COX18: variants seen among roughly 807,000 people sequenced by gnomAD.
The protein encoded by COX18 is cytochrome c oxidase assembly factor COX18, also known as cytochrome c oxidase assembly protein COX18, mitochondrial.
In COX18, 45 loss-of-function variants were observed where a neutral mutation model predicts 38.0. The observed-to-expected ratio is 1.18, with a 90% CI of 0.93 to 1.52. The LOEUF is 1.52. Ranked by LOEUF, COX18 falls within the 40% of genes most tolerant of loss-of-function variation. COX18 has a pLI of 0.00. For synonymous variants in COX18, 177 were observed against 169.8 expected (o/e 1.04, Z -0.33); for missense variants, 462 against 423.8 (o/e 1.09, Z -0.79).
intron 2 of COX18, among the ~76,000 whole-genome samples, chr4:73,066,533 C>CA (rs976927366): frequency 6.6e-6 from 1 of 151,854 alleles, no homozygotes; most frequent in African/African-American, 2.4e-5. Context: ...TTCAAAAAAA[C>CA]AAAAAAGAAA....
At chr4:73,065,196 T>TATTAAA in intron 3 of COX18, 54 bp downstream of exon 3, 1 of 1,183,500 alleles carries the variant, frequency 8.4e-7, no homozygotes, top group Non-Finnish European at 1.2e-6. Context: ...TTTTTTTTTT[T>TATTAAA]AGTACAAAGA....
rs1217052560 is a variant in COX18 at position 73,056,817 on chromosome 4, C to T, written c.*1297G>A. On this transcript the variant is annotated 3_prime_UTR_variant, in exon 6 of 6. Transcript: ENST00000507544. ...AAGAGGTCTAAAATCCTCTCCACCTCCAAAATAATAAGAAACATCTCAGCT... is the reference window on the plus strand; with the variant it reads ...AAGAGGTCTAAAATCCTCTCCACCTTCAAAATAATAAGAAACATCTCAGCT... 1 of 152,168 alleles carries T rather than the reference C, an allele frequency of 6.6e-6. No homozygotes were observed. The highest frequency in any genetic ancestry group is 1.5e-5 in the Non-Finnish European group (1 of 68,042). 9.4% of individuals were successfully genotyped at this position (152,168 alleles called of 1,614,324 possible).
chr4:73,065,605 C>T (rs1474801560), intron 2 of COX18, among the ~76,000 whole-genome samples, 192 bp from the exon 3 acceptor site: 3 of 152,084 alleles, frequency 2.0e-5, no homozygotes, highest in Non-Finnish European at 4.4e-5. Flanking sequence ...AAAACTTCTA[C>T]AGTATGGTAC....
intron 3 of COX18, 134 bp downstream of exon 3, chr4:73,065,116 A>T: frequency 1.0e-6 from 1 of 974,958 alleles, no homozygotes; most frequent in Non-Finnish European, 1.5e-6. Flanking sequence ...TTAAGACTTT[A>T]AATTCTATAC....
In COX18 at chr4:73,056,194, A is replaced by T. The variant is rs1162889356; in HGVS notation, c.*1920T>A. On this transcript the variant is annotated 3_prime_UTR_variant, in exon 6 of 6. Transcript: ENST00000507544. ...AAAATTATGATTTATAGCCTTCTCA[A>T]ATACCTGCCATACTTGATATCTCAA... 1 of 152,214 alleles carries T rather than the reference A, an allele frequency of 6.6e-6. No individual in the cohort carries two copies. The highest frequency in any genetic ancestry group is 2.4e-5 in the African/African-American group (1 of 41,444). The allele number at this position is 152,214 out of a possible 1,614,324, so 9.4% of individuals were successfully genotyped here. A position where few individuals can be genotyped will look rare whatever the true frequency, so the allele number is the denominator to read the frequency against.
chr4:73,069,700 T>G lies in COX18; in HGVS notation c.-51A>C, dbSNP rs1029103209. On this transcript the variant is annotated 5_prime_UTR_variant, in exon 1 of 6. An upstream start codon of the reference 5' UTR is lost. Coordinates refer to ENST00000507544, the MANE Select transcript of COX18 (RefSeq NM_001297732.2). ...CCCGGGCCTCACAATCCAGCGGACA[T>G]ACACCGGCCAGCCAAGGCTGATACG... The G allele has an allele frequency of 2.7e-6, 4 of 1,509,364 alleles. No individual in the cohort carries two copies. In the African/African-American group the frequency reaches 5.5e-5, roughly 21 times the overall value. The allele number at this position is 1,509,364 out of a possible 1,614,324, so 93.5% of individuals were successfully genotyped here.
At chr4:73,061,165 C>T (rs557857049) in intron 5 of COX18, among the ~76,000 whole-genome samples, 68 of 152,228 alleles carry the variant, frequency 4.5e-4, no homozygotes, top group Middle Eastern at 3.4e-3. Context: ...TTAAATAATA[C>T]CATACACAAA....
chr4:73,059,680 G>A (rs372163715), intron 5 of COX18, among the ~76,000 whole-genome samples: 30 of 152,246 alleles, frequency 2.0e-4, no homozygotes, highest in South Asian at 6.2e-4. Flanking sequence ...CTTTATCGTC[G>A]CGCTGTTGGG....
At chr4:73,058,493 A>G (rs1577946068) in intron 5 of COX18, among the ~76,000 whole-genome samples, 1 of 152,208 alleles carries the variant, frequency 6.6e-6, no homozygotes, top group East Asian at 1.9e-4. Flanking sequence ...TAAAGGAAAA[A>G]GAGAAGTATT....
Position 73,065,295 on chromosome 4 carries a change from A to G in COX18, c.553T>C (p.Ser185Pro). ...GTGCTTAAATTCCGGAGAGCAAAAGACATGAAGATCCACATTGGAAGCTGA... is the reference window on the plus strand; with the variant it reads ...GTGCTTAAATTCCGGAGAGCAAAAGGCATGAAGATCCACATTGGAAGCTGA... The part of the protein sequence containing the change: ...WIQLPMWIFM[S>P]FALRNLSTGA... Residue 185 changes from serine (S) to proline (P), a missense_variant, in exon 3 of 6, where the codon TCT (serine) becomes CCT (proline). Physicochemically the swap from Ser to Pro is moderately conservative, Grantham distance 74 (BLOSUM62 -1). Coordinates refer to ENST00000507544, the MANE Select transcript of COX18 (RefSeq NM_001297732.2). The G allele has an allele frequency of 6.2e-7, 1 of 1,613,746 alleles. No homozygotes were observed. Among genetic ancestry groups the G allele is most frequent in the Non-Finnish European group, 8.5e-7 (1 of 1,179,926 alleles).
chr4:73,065,219 ACTT>A (rs760302211), intron 3 of COX18, 28 bp downstream of exon 3: 239 of 1,536,052 alleles, frequency 1.6e-4, no homozygotes, highest in Admixed American at 2.0e-4. Flanking sequence ...ATGTTAGAGA[ACTT>A]CTTTGGGAGA....
In COX18 at chr4:73,064,763, TTTAAAAC is replaced by T; in HGVS notation, c.723+8_723+14del. On this transcript the variant is annotated splice_region_variant and intron_variant, in intron 4 of 5. Transcript: ENST00000507544. ...CCCCATAAATGGCAAACAAATTTCA[TTTAAAAC>T]TACTGACCTCCACTATTAACAAATT... The T allele has an allele frequency of 6.2e-7, 1 of 1,609,948 alleles. No individual in the cohort carries two copies.
chr4:73,069,746 G>T, upstream of COX18: 1 of 1,208,632 alleles, frequency 8.3e-7, no homozygotes, highest in Non-Finnish European at 1.2e-6. Flanking sequence ...AGCAACAGCG[G>T]GCATAAAGCG....
chr4:73,060,468 G>GAT (rs1720094913), intron 5 of COX18, among the ~76,000 whole-genome samples: 1 of 152,188 alleles, frequency 6.6e-6, no homozygotes, highest in Non-Finnish European at 1.5e-5. Flanking sequence ...CAGGCATTAT[G>GAT]ATATCTATTT....
rs116126390 is a variant in COX18 at position 73,062,368 on chromosome 4, C to T, written c.724-448G>A. 6.3e-3 allele frequency among the ~76,000 whole-genome samples: 939 copies of T among 149,656 alleles called. 11 individuals carry two copies. Among genetic ancestry groups the T allele is most frequent in the African/African-American group, 0.019 (769 of 40,704 alleles). ...GCAAGATCCTGTCTCTTAAAAAAAA[C>T]GACAACAAAAAAAAAACACTAATTA... is the stretch of plus-strand genomic sequence containing the variant. On this transcript the variant is annotated intron_variant, in intron 4 of 5. Coordinates refer to ENST00000507544, the MANE Select transcript of COX18 (RefSeq NM_001297732.2).
In COX18 at chr4:73,054,350, A is replaced by C. The variant is rs1719817293; in HGVS notation, c.*3764T>G. 1 of 152,176 alleles carries C rather than the reference A, an allele frequency of 6.6e-6. No individual in the cohort carries two copies. The highest frequency in any genetic ancestry group is 6.6e-5 in the Admixed American group (1 of 15,266). The allele number at this position is 152,176 out of a possible 1,614,324, so 9.4% of individuals were successfully genotyped here. A position where few individuals can be genotyped will look rare whatever the true frequency, so the allele number is the denominator to read the frequency against. On this transcript the variant is annotated 3_prime_UTR_variant, in exon 6 of 6. Transcript: ENST00000507544. Reference sequence around the variant, plus strand: ...TGCAATTTTCTGAAATACAATACAGATTTTTTGCTCTTTACTAAAAAAAAT... The same window carrying C: ...TGCAATTTTCTGAAATACAATACAGCTTTTTTGCTCTTTACTAAAAAAAAT...
In COX18 at chr4:73,055,055, C is replaced by A. The variant is rs539518934; in HGVS notation, c.*3059G>T. ...GAAAAGGAGACTGATTTCCCTCATG[C>A]CATTATGAGAAAAATATCTGAGTGT... On this transcript the variant is annotated 3_prime_UTR_variant, in exon 6 of 6. Coordinates refer to ENST00000507544, the MANE Select transcript of COX18 (RefSeq NM_001297732.2). The A allele has an allele frequency of 1.3e-5, 2 of 152,176 alleles. No homozygotes were observed. Among genetic ancestry groups the A allele is most frequent in the Non-Finnish European group, 2.9e-5 (2 of 68,038 alleles). The allele number at this position is 152,176 out of a possible 1,614,324, so 9.4% of individuals were successfully genotyped here. A position where few individuals can be genotyped will look rare whatever the true frequency, so the allele number is the denominator to read the frequency against.
chr4:73,065,152 T>A, intron 3 of COX18, 98 bp downstream of exon 3: 1 of 1,164,058 alleles, frequency 8.6e-7, no homozygotes, highest in Non-Finnish European at 1.2e-6. Context: ...AGTAAACATA[T>A]CGTAATTATG....
chr4:73,059,736 A>G (rs1324275982), intron 5 of COX18, among the ~76,000 whole-genome samples: 1 of 152,202 alleles, frequency 6.6e-6, no homozygotes, highest in Admixed American at 6.5e-5. Flanking sequence ...AACAGTGCTT[A>G]GCACAAAGTC....
Sources: allele counts gnomAD v4.1 joint callset (sites outside exome capture counted in the v4.1 genomes callset), GRCh38; gene constraint gnomAD v4.1.1; transcripts MANE v1.5; gene names NCBI Gene and HGNC (gene_info 2026-07-23, HGNC 2026-07-21).